Variants in LIMCH1 observed in about 807,000 individuals in gnomAD.
LIMCH1 encodes the protein LIM and calponin homology domains-containing protein 1.
LIMCH1 carries 113 observed loss-of-function variants against 176.5 expected under a neutral mutation model. The observed-to-expected ratio is 0.64, with a 90% CI of 0.55 to 0.75. The LOEUF is 0.75. LIMCH1 is among the 30% of genes least tolerant of loss of function. The pLI, the probability that LIMCH1 is intolerant of heterozygous loss-of-function variation, is 0.00. For missense variants in LIMCH1, 1,674 were observed against 1,814.9 expected, an observed-to-expected ratio of 0.92 and a Z score of 1.41; for synonymous variants, 619 against 645.9, an observed-to-expected ratio of 0.96 and a Z score of 0.63.
chr4:41,462,083 A>G (rs6811157), intron 1 of LIMCH1, among the ~76,000 whole-genome samples: 61,028 of 151,952 alleles, frequency 0.4, 13,681 homozygotes, highest in African/African-American at 0.6. Flanking sequence ...TATAAAGGGA[A>G]CGGTCTACTT....
chr4:41,651,936 G>A (rs4861128), intron 18 of LIMCH1, among the ~76,000 whole-genome samples: 83,097 of 152,064 alleles, frequency 0.55, 23,604 homozygotes, highest in African/African-American at 0.65. Context: ...TAATCTAACC[G>A]AAACTGTCAC....
At chr4:41,572,824 G>T (rs1346322924) in intron 1 of LIMCH1, among the ~76,000 whole-genome samples, 1 of 152,188 alleles carries the variant, frequency 6.6e-6, no homozygotes, top group Admixed American at 6.5e-5. Context: ...CAACGGGAAT[G>T]AGGAAACTGA....
intron 1 of LIMCH1, among the ~76,000 whole-genome samples, chr4:41,387,977 G>A (rs539789345): frequency 1.3e-5 from 2 of 152,230 alleles, no homozygotes; most frequent in South Asian, 2.1e-4. Context: ...GGGTGTGGTG[G>A]TGCATGCCTG....
intron 23 of LIMCH1, among the ~76,000 whole-genome samples, chr4:41,677,174 C>G (rs1413153731): frequency 2.7e-5 from 4 of 148,478 alleles, no homozygotes; most frequent in African/African-American, 7.4e-5. Context: ...AAAAAAAAAG[C>G]CGATGTGAGT....
intron 1 of LIMCH1, among the ~76,000 whole-genome samples, chr4:41,391,031 T>G (rs1307567010): frequency 6.6e-6 from 1 of 152,192 alleles, no homozygotes; most frequent in African/African-American, 2.4e-5. Context: ...CACACACTTT[T>G]TTTTCTGTCT....
At chr4:41,591,807 A>G (rs1335340490) in intron 1 of LIMCH1, among the ~76,000 whole-genome samples, 1 of 152,126 alleles carries the variant, frequency 6.6e-6, no homozygotes, top group Non-Finnish European at 1.5e-5. Context: ...ATCTCTCCCT[A>G]TTGGGGTAAA....
chr4:41,560,761 G>C (rs969225937), intron 1 of LIMCH1, among the ~76,000 whole-genome samples: 3 of 151,862 alleles, frequency 2.0e-5, no homozygotes, highest in Middle Eastern at 3.2e-3. Flanking sequence ...GCATGTTCCT[G>C]TAGTCCCAGC....
chr4:41,548,078 A>G (rs1473618805), intron 1 of LIMCH1, among the ~76,000 whole-genome samples: 2 of 151,766 alleles, frequency 1.3e-5, no homozygotes, highest in Non-Finnish European at 2.9e-5. Flanking sequence ...ATATGGATCA[A>G]CGTAGCATGT....
chr4:41,377,159 G>A lies in LIMCH1; in HGVS notation c.96+16223G>A, dbSNP rs1039024861. On this transcript the variant is annotated intron_variant, in intron 1 of 26. Coordinates refer to the LIMCH1 transcript ENST00000313860. ...TTCTTGCTCACGGGTTGAAGGGTCA[G>A]CTTGAGCAGCTCTGCTTCAAGCTGT... Among the ~76,000 whole-genome samples the A allele has an allele frequency of 3.3e-5, 5 of 152,194 alleles. No homozygotes were observed. In the South Asian group the frequency reaches 6.2e-4, roughly 19 times the overall value.
Position 41,508,602 on chromosome 4 carries a change from C to T in LIMCH1, c.167+13996C>T, listed in dbSNP as rs111696266. 5.9e-3 allele frequency among the ~76,000 whole-genome samples: 893 copies of T among 152,182 alleles called. 2 individuals carry two copies. Among genetic ancestry groups the T allele is most frequent in the South Asian group, 0.017 (82 of 4,808 alleles). ...GGGAAAGGCCACATTAGGAAAGAGCCGCAGAAGGAGGTCTCAGTTTGAGGA... is the reference window on the plus strand; with the variant it reads ...GGGAAAGGCCACATTAGGAAAGAGCTGCAGAAGGAGGTCTCAGTTTGAGGA... On this transcript the variant is annotated intron_variant, in intron 2 of 26. Coordinates refer to the LIMCH1 transcript ENST00000313860.
In LIMCH1 at chr4:41,419,185, TTTA is replaced by T. The variant is rs1210296025; in HGVS notation, c.96+58255_96+58257del. Among the ~76,000 whole-genome samples the T allele has an allele frequency of 7.5e-5, 6 of 80,278 alleles. No individual in the cohort carries two copies. The East Asian group carries it at 1.4e-3, about 19-fold the overall frequency. The allele number at this position is 80,278 out of a possible 152,430, so 52.7% of individuals were successfully genotyped here. A position where few individuals can be genotyped will look rare whatever the true frequency, so the allele number is the denominator to read the frequency against. On this transcript the variant is annotated intron_variant, in intron 1 of 26. Transcript: ENST00000313860. ...TTTATTTCATTTTATTTTATTTAATTTTATTATTTTGAGACGGAGTCTAGCTCT... is the reference window on the plus strand; with the variant it reads ...TTTATTTCATTTTATTTTATTTAATTTTATTTTGAGACGGAGTCTAGCTCT...
intron 1 of LIMCH1, among the ~76,000 whole-genome samples, chr4:41,579,088 A>C (rs1203701251): frequency 1.3e-5 from 2 of 151,892 alleles, no homozygotes; most frequent in East Asian, 3.9e-4. Flanking sequence ...CCTTAAAAGA[A>C]GGTTCTGGGA....
chr4:41,541,020 A>G (rs2152473310), intron 1 of LIMCH1, among the ~76,000 whole-genome samples: 1 of 152,278 alleles, frequency 6.6e-6, no homozygotes, highest in Non-Finnish European at 1.5e-5. Flanking sequence ...AGGAGTGAGG[A>G]AGTAGGGAGA....
At chr4:41,555,109 G>A (rs1249345987) in intron 1 of LIMCH1, among the ~76,000 whole-genome samples, 3 of 151,638 alleles carry the variant, frequency 2.0e-5, no homozygotes, top group East Asian at 1.9e-4. Flanking sequence ...ACATCTGCTC[G>A]AACAAGGCAT....
intron 1 of LIMCH1, among the ~76,000 whole-genome samples, chr4:41,479,031 A>AAGGGG (rs1561495324): frequency 1.3e-5 from 2 of 152,132 alleles, no homozygotes; most frequent in African/African-American, 4.8e-5. Flanking sequence ...AAGGGAAGGG[A>AAGGGG]AGGGGAGGGG....
At chr4:41,502,874 T>C (rs1326921074) in intron 2 of LIMCH1, among the ~76,000 whole-genome samples, 1 of 151,794 alleles carries the variant, frequency 6.6e-6, no homozygotes, top group African/African-American at 2.4e-5. Flanking sequence ...AAATGGGATG[T>C]GATTGGTTTA....
At chr4:41,366,527 G>T (rs1159655140) in intron 1 of LIMCH1, among the ~76,000 whole-genome samples, 4 of 152,176 alleles carry the variant, frequency 2.6e-5, no homozygotes, top group Non-Finnish European at 5.9e-5. Flanking sequence ...TTTGGAGGAA[G>T]GGTAGGGTAG....
chr4:41,533,794 A>G (rs1022893547), upstream of LIMCH1, among the ~76,000 whole-genome samples: 1 of 152,232 alleles, frequency 6.6e-6, no homozygotes, highest in Non-Finnish European at 1.5e-5. Context: ...GCGTCTACAA[A>G]TAGTGAAGAT....
chr4:41,427,711 C>T (rs2061240808), intron 1 of LIMCH1, among the ~76,000 whole-genome samples: 2 of 152,136 alleles, frequency 1.3e-5, no homozygotes, highest in South Asian at 4.1e-4. Context: ...CCCCAAATTA[C>T]AAAAATACAT....
Sources: allele counts gnomAD v4.1 joint callset (sites outside exome capture counted in the v4.1 genomes callset), GRCh38; gene constraint gnomAD v4.1.1; transcripts MANE v1.5; gene names NCBI Gene and HGNC (gene_info 2026-07-23, HGNC 2026-07-21).